Variants in TNS1 observed in about 807,000 individuals in gnomAD.
TNS1 encodes tensin 1.
TNS1 carries 62 observed loss-of-function variants against 168.6 expected under a neutral mutation model. The ratio of observed to expected loss-of-function variants is 0.37; its 90% CI spans 0.30 to 0.45. The LOEUF (loss-of-function observed/expected upper bound fraction) is 0.45. TNS1 is among the 20% of genes least tolerant of loss of function. The probability of loss-of-function intolerance (pLI) is 1.00; values close to 1 mark genes in which losing one functional copy is unlikely to be tolerated. For synonymous variants in TNS1, 934 were observed against 933.2 expected, an observed-to-expected ratio of 1.00 and a Z score of -0.02; for missense variants, 2,240 against 2,339.4, an observed-to-expected ratio of 0.96 and a Z score of 0.88.
At position 217,847,719 on chromosome 2, in the gene TNS1, T is replaced by A. The variant is rs1225739671; in HGVS notation, c.2798A>T (p.Asp933Val). The part of the protein sequence containing the change: ...YQPCLAGPNQ[D>V]FHSKSPASSS... The stretch of plus-strand genomic sequence containing the variant: ...AGAGGCTGGGCTCTTTGAATGGAAA[T>A]CCTGGTTAGGCCCAGCCAAACATGG... The change falls in exon 19 of 33, where the codon GAT becomes GTT. Residue 933 changes from aspartate to valine, a missense_variant. This residue lies in a region of TNS1 where 2,131 missense variants were observed against 2,171.2 expected (regional missense o/e 0.98). Transcript: ENST00000682258. 1.2e-6 allele frequency: 2 copies of A among 1,606,178 alleles called. No homozygotes were observed. Among genetic ancestry groups the A allele is most frequent in the South Asian group, 2.2e-5 (2 of 90,896 alleles).
At chr2:217,966,037 T>G (rs2126015151) in intron 3 of TNS1, among the ~76,000 whole-genome samples, 1 of 152,170 alleles carries the variant, frequency 6.6e-6, no homozygotes, top group South Asian at 2.1e-4. Context: ...ATTCTCCATC[T>G]CCCATTTGCC....
chr2:217,825,945 G>A (rs1943555895), intron 22 of TNS1, among the ~76,000 whole-genome samples: 1 of 152,210 alleles, frequency 6.6e-6, no homozygotes, highest in African/African-American at 2.4e-5. Context: ...GGCTCGCCCA[G>A]GGAGAAGCAG....
At chr2:217,882,910 C>G (rs1229899175) in intron 16 of TNS1, among the ~76,000 whole-genome samples, 1 of 152,182 alleles carries the variant, frequency 6.6e-6, no homozygotes, top group African/African-American at 2.4e-5. Context: ...GTCCTCCTAC[C>G]TCTGCCTCCA....
rs1408832704 is a variant in TNS1, at chr2:217,900,504, G to C, written c.330C>G (p.Thr110=). 1 of 1,535,628 alleles carries C rather than the reference G, an allele frequency of 6.5e-7. No individual in the cohort carries two copies. Among genetic ancestry groups the C allele is most frequent in the East Asian group, 2.4e-5 (1 of 40,896 alleles). ...TRKSLEDNGS[T]RVTPSVQPHL... ...GGGGCTGGACACTCGGGGTGACCCT[G>C]GTGGAGCCCTGGGAAGGAGAGAAGA... is the stretch of plus-strand genomic sequence containing the variant. Residue 110 remains threonine (T), a synonymous_variant, in exon 7 of 33, where the codon ACC becomes ACG. Transcript: ENST00000682258.
chr2:217,836,280 C>G, intron 19 of TNS1, 69 bp from the exon 20 acceptor site: 1 of 1,469,454 alleles, frequency 6.8e-7, no homozygotes. Flanking sequence ...CGGCCTAATC[C>G]CATCAGAGAA....
Position 217,893,424 on chromosome 2 carries a change from A to ACACT in TNS1, c.717+14_717+15insAGTG, listed in dbSNP as rs1257157158. On this transcript the variant is annotated intron_variant, in intron 10 of 32. Transcript: ENST00000682258. ...CGCACACACACACACACACACACACACACACAGCTCTGACCTTGTTGTGTA... is the reference window on the plus strand; with the variant it reads ...CGCACACACACACACACACACACACACACTCACACAGCTCTGACCTTGTTGTGTA... The ACACT allele has an allele frequency of 5.0e-6, 8 of 1,592,666 alleles. No homozygotes were observed. The highest frequency in any genetic ancestry group is 6.9e-6 in the Non-Finnish European group (8 of 1,165,868).
At chr2:217,909,880 G>C (rs1228883004) in intron 4 of TNS1, among the ~76,000 whole-genome samples, 2 of 152,182 alleles carry the variant, frequency 1.3e-5, no homozygotes, top group Non-Finnish European at 2.9e-5. Context: ...TGTCCTTCCT[G>C]CTCCTCAACA....
Position 217,849,071 on chromosome 2 carries a change from C to G in TNS1, c.1446G>C (p.Thr482=), listed in dbSNP as rs369926575. The G allele has an allele frequency of 6.2e-7, 1 of 1,611,366 alleles. No individual in the cohort carries two copies. The highest frequency in any genetic ancestry group is 8.5e-7 in the Non-Finnish European group (1 of 1,178,602). ...DDGMEEVVGH[T]QGPLDGSLYA... ...ACAGGCTCCCATCTAGTGGCCCCTG[C>G]GTGTGTCCCACCACCTCTGCAAGGG... is the stretch of plus-strand genomic sequence containing the variant. The change falls in exon 19 of 33, where the codon ACG becomes ACC. Residue 482 remains threonine, a synonymous_variant. Coordinates refer to ENST00000682258, the MANE Select transcript of TNS1 (RefSeq NM_001387777.1).
rs368264531 is a variant in TNS1, at chr2:217,817,831, G to A, written c.4501C>T (p.Arg1501Trp). The A allele has an allele frequency of 2.8e-5, 46 of 1,614,088 alleles. No individual in the cohort carries two copies. The highest frequency in any genetic ancestry group is 4.4e-5 in the South Asian group (4 of 91,088). Residue 1501 changes from arginine to tryptophan, a missense_variant, in exon 24 of 33, where the codon CGG becomes TGG. Transcript: ENST00000682258. Reference protein sequence around the residue: ...PEKRRMSVGDRAGSLPNYATI... With the variant: ...PEKRRMSVGDWAGSLPNYATI... ...GCATAGTTGGGGAGGCTGCCTGCCC[G>A]GTCTCCCACTGACATCCTTCGCTTC...
At chr2:217,808,747 A>G in intron 30 of TNS1, 76 bp from the exon 31 acceptor site, 21 of 1,377,080 alleles carry the variant, frequency 1.5e-5, no homozygotes, top group Non-Finnish European at 2.2e-5. Flanking sequence ...CCAGCAGGTC[A>G]GGCCACCTTT....
intron 3 of TNS1, among the ~76,000 whole-genome samples, chr2:217,952,103 G>A (rs759896964): frequency 9.2e-5 from 14 of 152,188 alleles, no homozygotes; most frequent in East Asian, 1.9e-4. Context: ...AACACAAATC[G>A]TGCTGAGTGA....
intron 1 of TNS1, among the ~76,000 whole-genome samples, chr2:218,019,642 C>T (rs555192897): frequency 1.1e-3 from 165 of 152,298 alleles, no homozygotes; most frequent in African/African-American, 3.6e-3. Context: ...CTTGCCCTTT[C>T]GCCTCAGAGC....
At chr2:217,831,712 C>T (rs931711319) in intron 21 of TNS1, among the ~76,000 whole-genome samples, 165 bp from the exon 22 acceptor site, 3 of 152,116 alleles carry the variant, frequency 2.0e-5, no homozygotes, top group Non-Finnish European at 4.4e-5. Context: ...TTCCCGCCTC[C>T]GTATTTCTCT....
intron 19 of TNS1, among the ~76,000 whole-genome samples, chr2:217,845,830 A>G (rs1455892259): frequency 6.6e-6 from 1 of 152,176 alleles, no homozygotes; most frequent in East Asian, 1.9e-4. Flanking sequence ...GCTGCATGGA[A>G]GGGTTCTTGT....
At chr2:217,977,167 G>C (rs1957916947) in intron 3 of TNS1, among the ~76,000 whole-genome samples, 1 of 152,254 alleles carries the variant, frequency 6.6e-6, no homozygotes. Context: ...CGAAGGGGTA[G>C]ACTGGGGAGG....
chr2:217,921,267 A>T (rs983837316), intron 3 of TNS1, among the ~76,000 whole-genome samples: 14 of 152,190 alleles, frequency 9.2e-5, no homozygotes, highest in Non-Finnish European at 1.9e-4. Flanking sequence ...GTGGGCACAG[A>T]GTGGGAGACT....
intron 18 of TNS1, among the ~76,000 whole-genome samples, chr2:217,869,719 A>C (rs966231743): frequency 6.6e-6 from 1 of 152,228 alleles, no homozygotes; most frequent in Non-Finnish European, 1.5e-5. Context: ...GGTTGCTTTG[A>C]AAAACTGAAA....
chr2:217,804,810 C>T (rs1446184258), intron 32 of TNS1, among the ~76,000 whole-genome samples: 1 of 152,112 alleles, frequency 6.6e-6, no homozygotes, highest in East Asian at 1.9e-4. Context: ...AGACAGTGTC[C>T]CACCTTGTTT....
At chr2:217,968,495 AC>A (rs1396083819) in intron 3 of TNS1, among the ~76,000 whole-genome samples, 1 of 152,208 alleles carries the variant, frequency 6.6e-6, no homozygotes, top group Admixed American at 6.5e-5. Context: ...ACAATGAAAG[AC>A]CTAAAAATGA....
Sources: gnomAD v4.1 joint callset for allele counts (sites outside exome capture counted in the v4.1 genomes callset) on GRCh38, gnomAD v4.1.1 for gene constraint, gnomAD v4.1.1 regional missense constraint, MANE v1.5 for transcripts, NCBI Gene and HGNC (gene_info 2026-07-23, HGNC 2026-07-21) for gene names.